Variants in TOGARAM1 observed in about 807,000 individuals in gnomAD.
The protein encoded by TOGARAM1 is TOG array regulator of axonemal microtubules 1, also known as TOG array regulator of axonemal microtubules protein 1.
Under a neutral mutation model 166.6 loss-of-function variants are expected in TOGARAM1, and 100 were observed. The ratio of observed to expected loss-of-function variants is 0.60; its 90% CI spans 0.51 to 0.71. TOGARAM1 has a LOEUF of 0.71. TOGARAM1 is among the 30% of genes least tolerant of loss of function. The pLI, the probability that TOGARAM1 is intolerant of heterozygous loss-of-function variation, is 0.00. For missense variants in TOGARAM1, 2,029 were observed against 2,102.7 expected, an observed-to-expected ratio of 0.96 and a Z score of 0.69; for synonymous variants, 758 against 763.8, an observed-to-expected ratio of 0.99 and a Z score of 0.13.
At position 44,964,015 on chromosome 14, in the gene TOGARAM1, G is replaced by A. The variant is rs1354951539; in HGVS notation, c.1594G>A (p.Glu532Lys). The change falls in exon 1 of 20, where the codon GAA becomes AAA. Residue 532 changes from glutamate to lysine, a missense_variant. Physicochemically the swap from Glu to Lys is moderately conservative, Grantham distance 56. This residue lies in a region of TOGARAM1 where 1,453 missense variants were observed against 1,432.2 expected (regional missense o/e 1.01). Transcript: ENST00000361462. ...ACGCAGGGTACGCCAAGCAGCTTTA[G>A]AAGCTTTTGCCGTATTGGCATCATC... is the stretch of plus-strand genomic sequence containing the variant. ...SKRRVRQAAL[E>K]AFAVLASSMG... The A allele has an allele frequency of 1.1e-5, 18 of 1,614,206 alleles. No individual in the cohort carries two copies. Among genetic ancestry groups the A allele is most frequent in the Non-Finnish European group, 1.5e-5 (18 of 1,180,040 alleles).
Position 44,962,386 on chromosome 14 carries a change from T to C in TOGARAM1, c.-36T>C. ...CCATCGAGCCCTTTGGAGACGGCAA[T>C]GGTTTCTTCCAACCACCACCACCTG... On this transcript the variant is annotated 5_prime_UTR_variant, in exon 1 of 20. The change abolishes an upstream ATG in the 5' untranslated region. Coordinates refer to ENST00000361462, the MANE Select transcript of TOGARAM1 (RefSeq NM_001308120.2). The C allele has an allele frequency of 6.6e-7, 1 of 1,508,508 alleles. No individual in the cohort carries two copies. The highest frequency in any genetic ancestry group is 2.3e-5 in the East Asian group (1 of 43,746). 93.4% of individuals were successfully genotyped at this position (1,508,508 alleles called of 1,614,324 possible). A position where few individuals can be genotyped will look rare whatever the true frequency, so the allele number is the denominator to read the frequency against.
At chr14:45,021,780 TGG>T (rs1228327810) in intron 7 of TOGARAM1, among the ~76,000 whole-genome samples, 2 of 152,082 alleles carry the variant, frequency 1.3e-5, no homozygotes, top group Non-Finnish European at 2.9e-5. Context: ...GTCACCAGGG[TGG>T]AATAATTCCT....
At chr14:44,989,315 C>T (rs998122157) in intron 1 of TOGARAM1, among the ~76,000 whole-genome samples, 3 of 152,120 alleles carry the variant, frequency 2.0e-5, no homozygotes, top group Non-Finnish European at 4.4e-5. Flanking sequence ...TAAATGTTTT[C>T]ACCATCCGTT....
At chr14:44,990,079 T>C (rs1887048498) in intron 1 of TOGARAM1, among the ~76,000 whole-genome samples, 1 of 152,186 alleles carries the variant, frequency 6.6e-6, no homozygotes, top group Admixed American at 6.5e-5. Flanking sequence ...TCCCTTGATA[T>C]GTGGGGATTA....
intron 7 of TOGARAM1, among the ~76,000 whole-genome samples, chr14:45,023,422 C>T (rs1880640132): frequency 6.6e-6 from 1 of 152,132 alleles, no homozygotes; most frequent in Non-Finnish European, 1.5e-5. Context: ...TCACAAGTCT[C>T]CTTTAGCAGT....
chr14:45,006,511 A>G lies in TOGARAM1; in HGVS notation c.2904+244A>G, dbSNP rs1405124545. On this transcript the variant is annotated intron_variant, in intron 5 of 19. Transcript: ENST00000361462. ...TTTTCTTCAAGTATTTTTTCTATGC[A>G]TACATTATTCCTTTTTAAATTAAAA... 4 of 320,146 alleles carry G rather than the reference A, an allele frequency of 1.2e-5. No homozygotes were observed. In the East Asian group the frequency reaches 2.3e-4, roughly 19 times the overall value. 19.8% of individuals were successfully genotyped at this position (320,146 alleles called of 1,614,324 possible). A position where few individuals can be genotyped will look rare whatever the true frequency, so the allele number is the denominator to read the frequency against.
rs1416177845 is a variant in TOGARAM1 at position 44,962,838 on chromosome 14, A to C, written c.417A>C (p.Ala139=). Residue 139 remains alanine (A), a synonymous_variant, in exon 1 of 20, where the codon GCA becomes GCC. Transcript: ENST00000361462. The part of the protein sequence containing the change: ...FPRRKEALYR[A]LGRVLVEGGS... ...GACGCAAGGAAGCTTTGTATCGGGC[A>C]CTGGGCCGAGTGCTTGTGGAAGGAG... 1 of 1,613,282 alleles carries C rather than the reference A, an allele frequency of 6.2e-7. No homozygotes were observed. The highest frequency in any genetic ancestry group is 1.1e-5 in the South Asian group (1 of 91,082).
chr14:45,007,603 A>G (rs560079968), intron 5 of TOGARAM1: 3 of 152,112 alleles, frequency 2.0e-5, no homozygotes, highest in Non-Finnish European at 4.4e-5. Context: ...AAGTGGCCCT[A>G]GTATTAAATC....
chr14:44,975,967 G>A (rs1335412875), intron 1 of TOGARAM1, among the ~76,000 whole-genome samples: 3 of 152,150 alleles, frequency 2.0e-5, no homozygotes, highest in Admixed American at 1.3e-4. Flanking sequence ...ACTACATTTA[G>A]TAGTTTTCTA....
chr14:44,971,707 C>T (rs1034136901), intron 1 of TOGARAM1, among the ~76,000 whole-genome samples: 3 of 152,068 alleles, frequency 2.0e-5, no homozygotes, highest in African/African-American at 4.8e-5. Context: ...CTCTAGGCAC[C>T]GCTTTCACTG....
At chr14:45,045,992 CAAT>C (rs920010335) in intron 13 of TOGARAM1, among the ~76,000 whole-genome samples, 2 of 151,698 alleles carry the variant, frequency 1.3e-5, no homozygotes, top group African/African-American at 4.8e-5. Context: ...ATTGTTATTC[CAAT>C]AATGTTATTT....
At chr14:44,972,434 T>G (rs1885937602) in intron 1 of TOGARAM1, among the ~76,000 whole-genome samples, 1 of 152,186 alleles carries the variant, frequency 6.6e-6, no homozygotes, top group African/African-American at 2.4e-5. Context: ...CTGATTTTTC[T>G]GCCTGCTGGA....
chr14:44,962,762 A>G lies in TOGARAM1; in HGVS notation c.341A>G (p.Gln114Arg), dbSNP rs369447680. ...GCCCGGGATCCTTCTGAGGCCTTCC[A>G]GGCTTTGCAAGCTGCTTTGCCGCGG... is the stretch of plus-strand genomic sequence containing the variant. ...RTARDPSEAFQALQAALPRRG... is the reference protein window; with the variant it reads ...RTARDPSEAFRALQAALPRRG... Residue 114 changes from glutamine to arginine, a missense_variant, in exon 1 of 20, where the codon CAG becomes CGG. By Grantham distance (43) the Gln-to-Arg change is conservative. Transcript: ENST00000361462. The G allele has an allele frequency of 1.2e-6, 2 of 1,613,106 alleles. No homozygotes were observed. Among genetic ancestry groups the G allele is most frequent in the East Asian group, 4.5e-5 (2 of 44,876 alleles).
chr14:45,005,993 C>G lies in TOGARAM1; in HGVS notation c.2645-15C>G, dbSNP rs753075275. 1.3e-6 allele frequency: 2 copies of G among 1,528,334 alleles called. No individual in the cohort carries two copies. Among genetic ancestry groups the G allele is most frequent in the Non-Finnish European group, 1.8e-6 (2 of 1,137,414 alleles). The allele number at this position is 1,528,334 out of a possible 1,614,324, so 94.7% of individuals were successfully genotyped here. ...ATTAGAAAAAGAAAAAGTAAAATAT[C>G]TATTTTTCATGCAGGAGAAAATTCT... On this transcript the variant is annotated splice_polypyrimidine_tract_variant and intron_variant, in intron 4 of 19. Coordinates refer to ENST00000361462, the MANE Select transcript of TOGARAM1 (RefSeq NM_001308120.2).
At chr14:45,013,986 A>G (rs888768803) in intron 7 of TOGARAM1, among the ~76,000 whole-genome samples, 9 of 151,992 alleles carry the variant, frequency 5.9e-5, no homozygotes, top group African/African-American at 2.2e-4. Flanking sequence ...GTGATCTCAT[A>G]ATAGTATAAT....
rs1231987845 is a variant in TOGARAM1 at position 44,963,402 on chromosome 14, C to T, written c.981C>T (p.Ala327=). ...TTCCTTATTATTTGGAACTTGAAGC[C>T]TCTGGATTTCCTGAAGATCCCCTTC... The part of the protein sequence containing the change: ...SQVPYYLELE[A]SGFPEDPLPC... The change falls in exon 1 of 20, where the codon GCC becomes GCT. Residue 327 remains alanine, a synonymous_variant. Transcript: ENST00000361462. 3.7e-6 allele frequency: 6 copies of T among 1,614,192 alleles called. No homozygotes were observed. The highest frequency in any genetic ancestry group is 1.7e-5 in the Admixed American group (1 of 60,016).
chr14:45,039,845 G>T (rs888362522), intron 11 of TOGARAM1, among the ~76,000 whole-genome samples: 7 of 152,108 alleles, frequency 4.6e-5, no homozygotes, highest in African/African-American at 1.7e-4. Context: ...TCAGACGGGG[G>T]CATGGCTCCC....
intron 10 of TOGARAM1, among the ~76,000 whole-genome samples, 198 bp from the exon 11 acceptor site, chr14:45,032,025 T>C (rs1881188619): frequency 6.6e-6 from 1 of 152,146 alleles, no homozygotes; most frequent in African/African-American, 2.4e-5. Context: ...CTGGGCATTG[T>C]GGTGCGCACC....
intron 1 of TOGARAM1, among the ~76,000 whole-genome samples, chr14:44,964,801 T>C (rs1336315776): frequency 2.6e-5 from 4 of 152,036 alleles, no homozygotes; most frequent in South Asian, 2.1e-4. Context: ...AGCTAAATTC[T>C]GGGAATGAAG....
Sources: gnomAD v4.1 joint callset for allele counts (sites outside exome capture counted in the v4.1 genomes callset) on GRCh38, gnomAD v4.1.1 for gene constraint, gnomAD v4.1.1 regional missense constraint, MANE v1.5 for transcripts, NCBI Gene and HGNC (gene_info 2026-07-23, HGNC 2026-07-21) for gene names.